Variants in CFAP54 observed in about 807,000 individuals in gnomAD.
CFAP54 encodes cilia- and flagella-associated protein 54.
Under a neutral mutation model 370.4 loss-of-function variants are expected in CFAP54, and 290 were observed. The ratio of observed to expected loss-of-function variants is 0.78; its 90% CI spans 0.71 to 0.86. CFAP54 has a LOEUF of 0.86. Ranked by LOEUF, CFAP54 falls within the 40% of genes least tolerant of loss-of-function variation. CFAP54 has a pLI of 0.00. For synonymous variants in CFAP54, 1,206 were observed against 1,236.5 expected, an observed-to-expected ratio of 0.98 and a Z score of 0.52; for missense variants, 3,399 against 3,528.7, an observed-to-expected ratio of 0.96 and a Z score of 0.93.
intron 66 of CFAP54, among the ~76,000 whole-genome samples, chr12:96,843,917 G>A (rs970794921): frequency 4.6e-5 from 7 of 152,166 alleles, no homozygotes; most frequent in Non-Finnish European, 8.8e-5. Context: ...ACACAAGGAT[G>A]TGATTAGAGC....
At chr12:96,804,681 C>A (rs1382754630) in intron 63 of CFAP54, among the ~76,000 whole-genome samples, 2 of 151,878 alleles carry the variant, frequency 1.3e-5, no homozygotes, top group African/African-American at 4.8e-5. Context: ...ACTAAAATGA[C>A]CATACTGCCC....
chr12:96,777,008 T>A (rs1958523619), intron 60 of CFAP54, among the ~76,000 whole-genome samples: 1 of 152,228 alleles, frequency 6.6e-6, no homozygotes, highest in Non-Finnish European at 1.5e-5. Context: ...ATTTTATCTT[T>A]GGCAGCACAC....
chr12:96,757,473 G>A lies in CFAP54; in HGVS notation c.7947-22G>A, dbSNP rs765676206. The A allele has an allele frequency of 4.5e-6, 6 of 1,337,936 alleles. No individual in the cohort carries two copies. The African/African-American group carries it at 5.8e-5, about 13-fold the overall frequency. The allele number at this position is 1,337,936 out of a possible 1,614,324, so 82.9% of individuals were successfully genotyped here. On this transcript the variant is annotated intron_variant, in intron 57 of 67. Transcript: ENST00000524981. ...TATGCATGGTGAAGCTATTTAATAAGTACAGTGCTATATCATTTTAGATTG... is the reference window on the plus strand; with the variant it reads ...TATGCATGGTGAAGCTATTTAATAAATACAGTGCTATATCATTTTAGATTG...
intron 20 of CFAP54, among the ~76,000 whole-genome samples, chr12:96,577,745 G>T (rs1442512354): frequency 1.3e-5 from 2 of 151,864 alleles, no homozygotes; most frequent in Non-Finnish European, 2.9e-5. Context: ...TGTATTAAAT[G>T]TTAAGTAGTA....
chr12:96,677,726 G>A (rs930282643), intron 39 of CFAP54, among the ~76,000 whole-genome samples: 8 of 152,232 alleles, frequency 5.3e-5, no homozygotes, highest in Admixed American at 3.9e-4. Context: ...TGTGTGATAG[G>A]GAATTGTGTC....
At position 96,689,969 on chromosome 12, in the gene CFAP54, G is replaced by A. The variant is rs370440291; in HGVS notation, c.6081+987G>A. Among the ~76,000 whole-genome samples, 9 of 152,218 alleles carry A rather than the reference G, an allele frequency of 5.9e-5. No individual in the cohort carries two copies. The South Asian group carries it at 8.3e-4, about 14-fold the overall frequency. ...TTTTCAATTTTCTTATGTTCCTTAC[G>A]CCTCTTGCCTGGGCTTCAAAGGGAA... On this transcript the variant is annotated intron_variant, in intron 43 of 67. Transcript: ENST00000524981.
chr12:96,664,771 C>A (rs12313693), intron 39 of CFAP54, among the ~76,000 whole-genome samples: 6 of 69,132 alleles, frequency 8.7e-5, no homozygotes, highest in African/African-American at 1.3e-4. Context: ...ATATCTATAT[C>A]TATATCTATA....
intron 45 of CFAP54, among the ~76,000 whole-genome samples, chr12:96,699,127 G>GCTTTT (rs1957465594): frequency 2.6e-5 from 4 of 152,074 alleles, no homozygotes; most frequent in Non-Finnish European, 5.9e-5. Context: ...GGTTGCAAAA[G>GCTTTT]GCAACCAATC....
At chr12:96,532,646 G>T (rs1022953336) in intron 9 of CFAP54, among the ~76,000 whole-genome samples, 3 of 151,566 alleles carry the variant, frequency 2.0e-5, no homozygotes, top group Non-Finnish European at 4.4e-5. Context: ...TTTGAGACAG[G>T]ATCTCACTCT....
chr12:96,611,349 A>G (rs1956356311), intron 26 of CFAP54, among the ~76,000 whole-genome samples: 1 of 152,244 alleles, frequency 6.6e-6, no homozygotes, highest in Non-Finnish European at 1.5e-5. Flanking sequence ...AGAAAAACTA[A>G]CAAACAGAAA....
intron 60 of CFAP54, among the ~76,000 whole-genome samples, chr12:96,769,178 CT>C (rs11318331): frequency 0.75 from 114,340 of 152,092 alleles, 43,658 homozygotes; most frequent in East Asian, 0.91. Flanking sequence ...AGTATATACT[CT>C]TATCATTTTG....
intron 65 of CFAP54, among the ~76,000 whole-genome samples, chr12:96,826,259 TAATTC>T (rs1416090143): frequency 2.4e-5 from 3 of 123,536 alleles, no homozygotes; most frequent in Non-Finnish European, 3.5e-5. Flanking sequence ...AAACCATAGA[TAATTC>T]AATTCAATTT....
intron 40 of CFAP54, among the ~76,000 whole-genome samples, chr12:96,682,687 A>G (rs1957285802): frequency 6.6e-6 from 1 of 152,120 alleles, no homozygotes; most frequent in South Asian, 2.1e-4. Flanking sequence ...CTCCATTTTC[A>G]ATATGATCTT....
At chr12:96,490,290 C>A (rs1954865410) in intron 1 of CFAP54, among the ~76,000 whole-genome samples, 2 of 152,110 alleles carry the variant, frequency 1.3e-5, no homozygotes, top group Non-Finnish European at 2.9e-5. Flanking sequence ...CCCAAAAAGG[C>A]AAACAGTTGC....
Position 96,740,070 on chromosome 12 carries a change from G to A in CFAP54, c.7071+9G>A, listed in dbSNP as rs1217937889. On this transcript the variant is annotated intron_variant, in intron 51 of 67. Transcript: ENST00000524981. The stretch of plus-strand genomic sequence containing the variant: ...TCTCTCCAGGAACTTCTGTAAGTAT[G>A]ACTTAATGTCTGTTCTTACAATACT... 3 of 1,402,892 alleles carry A rather than the reference G, an allele frequency of 2.1e-6. No homozygotes were observed. The highest frequency in any genetic ancestry group is 2.4e-5 in the South Asian group (2 of 85,042). 86.9% of individuals were successfully genotyped at this position (1,402,892 alleles called of 1,614,324 possible).
chr12:96,580,744 T>C, intron 21 of CFAP54, 55 bp downstream of exon 21: 1 of 1,237,244 alleles, frequency 8.1e-7, no homozygotes, highest in South Asian at 1.5e-5. Flanking sequence ...GATAATTAAA[T>C]TTTTAAATGA....
At chr12:96,521,503 CGTGTGTGTGTGTGTGTGTGT>C (rs10554608) in intron 6 of CFAP54, among the ~76,000 whole-genome samples, 5 of 129,580 alleles carry the variant, frequency 3.9e-5, no homozygotes, top group East Asian at 2.4e-4. Context: ...CAACTGAGGA[CGTGTGTGTGTGTGTGTGTGT>C]GTGTGTGTGT....
At chr12:96,637,582 A>G (rs934101915) in intron 32 of CFAP54, among the ~76,000 whole-genome samples, 1 of 152,226 alleles carries the variant, frequency 6.6e-6, no homozygotes, top group African/African-American at 2.4e-5. Flanking sequence ...TTAATCATGC[A>G]TAGAGTATTT....
At chr12:96,793,232 T>C (rs760197488) in intron 63 of CFAP54, among the ~76,000 whole-genome samples, 1 of 152,142 alleles carries the variant, frequency 6.6e-6, no homozygotes, top group Non-Finnish European at 1.5e-5. Flanking sequence ...GTATCATTCT[T>C]ATACATTTGC....
Sources: allele counts gnomAD v4.1 joint callset (sites outside exome capture counted in the v4.1 genomes callset), GRCh38; gene constraint gnomAD v4.1.1; transcripts MANE v1.5; gene names NCBI Gene and HGNC (gene_info 2026-07-23, HGNC 2026-07-21).